DLC1: variants seen among roughly 807,000 people sequenced by gnomAD.
DLC1 encodes the protein rho GTPase-activating protein 7.
A neutral mutation model predicts 140.3 loss-of-function variants in DLC1; 54 were observed. The ratio of observed to expected loss-of-function variants is 0.38; its 90% CI spans 0.31 to 0.48. DLC1 has a LOEUF of 0.48. DLC1 is among the 20% of genes least tolerant of loss of function. DLC1 has a pLI of 0.96. For missense variants in DLC1, 2,536 were observed against 1,907.0 expected, an observed-to-expected ratio of 1.33 and a Z score of -6.14; for synonymous variants, 986 against 728.1, an observed-to-expected ratio of 1.35 and a Z score of -5.70.
chr8:13,406,616 C>G (rs533979598), intron 2 of DLC1, among the ~76,000 whole-genome samples: 1 of 152,180 alleles, frequency 6.6e-6, no homozygotes, highest in South Asian at 2.1e-4. Flanking sequence ...TTAATTATTT[C>G]TCATATGACA....
chr8:13,586,511 G>A (rs771679521), intron 1 of DLC1, among the ~76,000 whole-genome samples: 2 of 151,644 alleles, frequency 1.3e-5, no homozygotes, highest in Non-Finnish European at 2.9e-5. Context: ...TCTTTTGGTA[G>A]ATAGGTTAGT....
chr8:13,321,322 A>G (rs914455299), intron 4 of DLC1, among the ~76,000 whole-genome samples: 36 of 151,962 alleles, frequency 2.4e-4, no homozygotes, highest in African/African-American at 8.7e-4. Flanking sequence ...GGCAGGTCAC[A>G]AGGTCAGGAG....
intron 4 of DLC1, among the ~76,000 whole-genome samples, chr8:13,368,374 T>C (rs1835587199): frequency 6.6e-6 from 1 of 152,134 alleles, no homozygotes; most frequent in South Asian, 2.1e-4. Flanking sequence ...ATAGTAAAGA[T>C]GTCTGTTGTT....
At chr8:13,494,892 A>C (rs1801432130) in intron 2 of DLC1, among the ~76,000 whole-genome samples, 1 of 152,162 alleles carries the variant, frequency 6.6e-6, no homozygotes, top group Non-Finnish European at 1.5e-5. Context: ...CGGAAGTTGC[A>C]ATGGGCGGAG....
chr8:13,547,857 T>C (rs1219852643), intron 1 of DLC1, among the ~76,000 whole-genome samples: 1 of 150,958 alleles, frequency 6.6e-6, no homozygotes, highest in East Asian at 2.0e-4. Flanking sequence ...AACACACTTA[T>C]CTTGCACCCA....
At position 13,396,058 on chromosome 8, in the gene DLC1, C is replaced by CTTT. The variant is rs1458503033; in HGVS notation, c.1174-2368_1174-2366dup. Among the ~76,000 whole-genome samples the CTTT allele has an allele frequency of 1.1e-3, 143 of 133,360 alleles. 16 individuals are homozygous for CTTT. The highest frequency in any genetic ancestry group is 1.1e-3 in the Non-Finnish European group (70 of 63,856). The allele number at this position is 133,360 out of a possible 152,430, so 87.5% of individuals were successfully genotyped here. ...GAAATATTTTGCATTAATTTCTTTT[C>CTTT]TTTCTTTTTTTTTTTTTTTGAGACG... is the stretch of plus-strand genomic sequence containing the variant. On this transcript the variant is annotated intron_variant, in intron 3 of 17. Coordinates refer to ENST00000276297, the MANE Select transcript of DLC1 (RefSeq NM_182643.3).
At chr8:13,267,947 A>C (rs1009861829) in intron 5 of DLC1, among the ~76,000 whole-genome samples, 2 of 152,136 alleles carry the variant, frequency 1.3e-5, no homozygotes, top group African/African-American at 4.8e-5. Flanking sequence ...GAAGTTGATA[A>C]TTTGTTTTTA....
intron 2 of DLC1, among the ~76,000 whole-genome samples, chr8:13,405,923 T>TTCTTTC (rs1301983927): frequency 3.3e-4 from 37 of 113,340 alleles, no homozygotes; most frequent in Non-Finnish European, 5.1e-4. Flanking sequence ...TTTCTTTTCT[T>TTCTTTC]TCTTTCTTTC....
intron 5 of DLC1, among the ~76,000 whole-genome samples, chr8:13,165,514 T>C (rs573709854): frequency 2.6e-5 from 4 of 152,358 alleles, no homozygotes; most frequent in South Asian, 4.2e-4. Context: ...GGTCCGTACT[T>C]TCACGCTCTG....
At chr8:13,566,909 C>T in intron 1 of DLC1, 2 of 1,443,614 alleles carry the variant, frequency 1.4e-6, no homozygotes, top group African/African-American at 1.4e-5. Flanking sequence ...AGATCCATTC[C>T]CGGAGGGGTC....
At position 13,238,694 on chromosome 8, in the gene DLC1, C is replaced by T. The variant is rs148944840; in HGVS notation, c.1348+66575G>A. Among the ~76,000 whole-genome samples the T allele has an allele frequency of 2.1e-4, 32 of 152,254 alleles. 1 individual carries two copies. In the East Asian group the frequency reaches 4.4e-3, roughly 21 times the overall value. On this transcript the variant is annotated intron_variant, in intron 5 of 17. Transcript: ENST00000276297. ...CTAGATTTCAGCTCCCAGGTCTCTC[C>T]TAGGCTGGGAGTCACTGAGTGGGGC...
intron 5 of DLC1, among the ~76,000 whole-genome samples, chr8:13,284,116 T>G (rs1478904626): frequency 1.3e-5 from 2 of 152,120 alleles, no homozygotes; most frequent in African/African-American, 4.8e-5. Flanking sequence ...TGAAGAGACC[T>G]CAGGAAATAC....
chr8:13,437,831 G>A (rs1291675876), intron 2 of DLC1, among the ~76,000 whole-genome samples: 5 of 152,032 alleles, frequency 3.3e-5, no homozygotes, highest in Admixed American at 1.3e-4. Context: ...GAATCAAGAG[G>A]CTGCTTGAGA....
chr8:13,103,184 G>A (rs985683385), intron 7 of DLC1, among the ~76,000 whole-genome samples: 1 of 151,978 alleles, frequency 6.6e-6, no homozygotes, highest in Non-Finnish European at 1.5e-5. Flanking sequence ...GGTGGTGGGC[G>A]CCTGTAGTCC....
At chr8:13,449,279 A>G (rs990528991) in intron 2 of DLC1, among the ~76,000 whole-genome samples, 1 of 152,176 alleles carries the variant, frequency 6.6e-6, no homozygotes, top group Non-Finnish European at 1.5e-5. Context: ...CATAGAGTTG[A>G]TATAATAGAG....
At chr8:13,304,860 A>C in intron 5 of DLC1, 1 of 986,604 alleles carries the variant, frequency 1.0e-6, no homozygotes, top group Middle Eastern at 5.2e-4. Flanking sequence ...TATTTTTGAT[A>C]GTATGGCATC....
intron 5 of DLC1, among the ~76,000 whole-genome samples, chr8:13,191,945 A>C (rs1334795453): frequency 6.7e-6 from 1 of 148,204 alleles, no homozygotes; most frequent in Non-Finnish European, 1.5e-5. Context: ...TATTATTATT[A>C]TTATTATTAT....
At chr8:13,387,299 T>C (rs76886022) in intron 4 of DLC1, among the ~76,000 whole-genome samples, 3,512 of 152,156 alleles carry the variant, frequency 0.023, 74 homozygotes, top group South Asian at 0.085. Context: ...TTTATCCTTC[T>C]GTTTTGTTTT....
At chr8:13,462,784 A>G (rs1319163660) in intron 2 of DLC1, among the ~76,000 whole-genome samples, 5 of 152,166 alleles carry the variant, frequency 3.3e-5, no homozygotes. Flanking sequence ...GCTTTTGGAA[A>G]ACAGAAGACA....
Sources: allele counts gnomAD v4.1 joint callset (sites outside exome capture counted in the v4.1 genomes callset), GRCh38; gene constraint gnomAD v4.1.1; transcripts MANE v1.5; gene names NCBI Gene and HGNC (gene_info 2026-07-23, HGNC 2026-07-21).